The following VWF variants were observed in gnomAD, a reference collection of about 807,000 sequenced individuals.
VWF encodes the protein Factor VIII related antigen.
VWF carries 176 observed loss-of-function variants against 308.6 expected under a neutral mutation model. That is an observed-to-expected ratio of 0.57 (90% CI 0.50 to 0.65). The LOEUF (loss-of-function observed/expected upper bound fraction) is 0.65. Ranked by LOEUF, VWF falls within the 30% of genes least tolerant of loss-of-function variation. The pLI, the probability that VWF is intolerant of heterozygous loss-of-function variation, is 0.00. For synonymous variants in VWF, 1,385 were observed against 1,443.4 expected (o/e 0.96, Z 0.92); for missense variants, 3,146 against 3,648.2 (o/e 0.86, Z 3.55).
chr12:6,022,284 T>C (rs1376946766), intron 26 of VWF, among the ~76,000 whole-genome samples: 1 of 152,054 alleles, frequency 6.6e-6, no homozygotes, highest in Non-Finnish European at 1.5e-5. Context: ...TCAGGACAAA[T>C]GAAATCTTAT....
chr12:6,070,809 G>A (rs1944770600), intron 10 of VWF, among the ~76,000 whole-genome samples: 1 of 152,230 alleles, frequency 6.6e-6, no homozygotes, highest in African/African-American at 2.4e-5. Flanking sequence ...GGCAGGGACA[G>A]GATGGGAGGA....
intron 42 of VWF, among the ~76,000 whole-genome samples, chr12:5,978,116 A>C (rs1020718277): frequency 6.7e-5 from 10 of 149,444 alleles, no homozygotes; most frequent in African/African-American, 2.4e-4. Context: ...AGTGGCACAT[A>C]ATTATTATTT....
chr12:6,002,710 C>T (rs186346759), intron 34 of VWF, among the ~76,000 whole-genome samples: 1 of 152,062 alleles, frequency 6.6e-6, no homozygotes, highest in Non-Finnish European at 1.5e-5. Flanking sequence ...ATACCAACCC[C>T]AAATGATTTC....
At chr12:6,066,143 C>T (rs1448511010) in intron 10 of VWF, among the ~76,000 whole-genome samples, 3 of 152,180 alleles carry the variant, frequency 2.0e-5, no homozygotes, top group East Asian at 1.9e-4. Context: ...ATCTCCCCCA[C>T]GCCCCAGCCT....
intron 47 of VWF, among the ~76,000 whole-genome samples, chr12:5,957,354 GA>G (rs1943263274): frequency 8.6e-6 from 1 of 116,596 alleles, no homozygotes; most frequent in Non-Finnish European, 2.1e-5. Flanking sequence ...AAATGAAACA[GA>G]AAAAAATTAA....
In VWF at chr12:6,063,509, A is replaced by G. The variant is rs1316608868; in HGVS notation, c.1433-455T>C. Among the ~76,000 whole-genome samples, 2 of 152,166 alleles carry G rather than the reference A, an allele frequency of 1.3e-5. No homozygotes were observed. Among genetic ancestry groups the G allele is most frequent in the Non-Finnish European group, 2.9e-5 (2 of 68,030 alleles). On this transcript the variant is annotated intron_variant, in intron 12 of 51. Transcript: ENST00000261405. The surrounding 1 kb of genome is among the most constrained non-coding windows in gnomAD (Gnocchi z 4.9). ...GTTGCTTCTGTGGGAAGGTGGCGAC[A>G]GATAGGAGCACACCCCTTGCCCTGG...
chr12:6,027,871 CACACA>C (rs1944213186), intron 22 of VWF, among the ~76,000 whole-genome samples: 26 of 151,088 alleles, frequency 1.7e-4, no homozygotes, highest in African/African-American at 5.9e-4. Flanking sequence ...CACACACACA[CACACA>C]CACACACCCC....
chr12:6,104,709 A>T (rs750765297), intron 5 of VWF, among the ~76,000 whole-genome samples: 65 of 152,172 alleles, frequency 4.3e-4, no homozygotes, highest in South Asian at 8.3e-4. Flanking sequence ...AAAAAAAAAA[A>T]ATATATAGGA....
rs1357567541 is a variant in VWF at position 6,046,623 on chromosome 12, C to T, written c.2281+100G>A. 1.5e-5 allele frequency: 18 copies of T among 1,211,396 alleles called. No homozygotes were observed. Among genetic ancestry groups the T allele is most frequent in the Admixed American group, 1.0e-4 (6 of 58,234 alleles). The allele number at this position is 1,211,396 out of a possible 1,614,324, so 75.0% of individuals were successfully genotyped here. ...AGCCAGACCCATGCCTGGGTGCACA[C>T]GCACATCTGACGGTGTCACCCAGCT... On this transcript the variant is annotated intron_variant, in intron 17 of 51. Transcript: ENST00000261405. This position sits in a 1 kb window ranked among gnomAD's most constrained non-coding sequence, Gnocchi z 5.0.
intron 6 of VWF, among the ~76,000 whole-genome samples, chr12:6,077,184 C>G (rs1944854249): frequency 6.6e-6 from 1 of 152,220 alleles, no homozygotes; most frequent in Admixed American, 6.5e-5. Context: ...GTGGCGCATG[C>G]TTGTAATCCC....
intron 47 of VWF, among the ~76,000 whole-genome samples, chr12:5,965,465 G>A (rs996457412): frequency 6.6e-6 from 1 of 152,174 alleles, no homozygotes; most frequent in African/African-American, 2.4e-5. Flanking sequence ...GGTCCACTCA[G>A]GGTTGCCCTC....
At chr12:6,096,590 T>C (rs781089698) in intron 5 of VWF, among the ~76,000 whole-genome samples, 43 of 152,214 alleles carry the variant, frequency 2.8e-4, no homozygotes, top group Admixed American at 7.9e-4. Flanking sequence ...GCTCAAAATA[T>C]TTTTGCAGAA....
chr12:6,020,157 G>C lies in VWF; in HGVS notation c.3675-414C>G, dbSNP rs1408978685. ...GAACAAATGTTACTAAAATGTAGAC[G>C]CTAACCTGTGTTTGTACATGTTCTG... On this transcript the variant is annotated intron_variant, in intron 27 of 51. Transcript: ENST00000261405. The surrounding 1 kb of genome is among the most constrained non-coding windows in gnomAD (Gnocchi z 4.3). Among the ~76,000 whole-genome samples, 1 of 152,216 alleles carries C rather than the reference G, an allele frequency of 6.6e-6. No homozygotes were observed. The highest frequency in any genetic ancestry group is 1.5e-5 in the Non-Finnish European group (1 of 68,044).
At position 6,097,219 on chromosome 12, in the gene VWF, G is replaced by A. The variant is rs145448261; in HGVS notation, c.533-1635C>T. Among the ~76,000 whole-genome samples the A allele has an allele frequency of 8.1e-4, 124 of 152,212 alleles. 1 individual carries two copies. The East Asian group carries it at 0.022, about 27-fold the overall frequency. The stretch of plus-strand genomic sequence containing the variant: ...TGGGAGGCCAAGGAGGGTGGATCAC[G>A]AGGTCAGGAGATCAAGACCATCCTG... On this transcript the variant is annotated intron_variant, in intron 5 of 51. Transcript: ENST00000261405.
rs765253214 is a variant in VWF, at chr12:6,018,631, T to A, written c.4787A>T (p.Asp1596Val). 3.1e-6 allele frequency: 5 copies of A among 1,613,972 alleles called. No individual in the cohort carries two copies. Among genetic ancestry groups the A allele is most frequent in the Non-Finnish European group, 8.5e-7 (1 of 1,179,934 alleles). ...SDHSFLVSQG[D>V]REQAPNLVYM... ...GACCAGGTTGGGCGCCTGCTCCCGG[T>A]CACCCTGGCTGACCAAGAAGCTGTG... The change falls in exon 28 of 52, where the codon GAC (aspartate) becomes GTC (valine). Residue 1596 changes from aspartate (D) to valine (V), a missense_variant. Physicochemically the swap from Asp to Val is radical, Grantham distance 152. Transcript: ENST00000261405.
Position 5,968,223 on chromosome 12 carries a change from G to A in VWF, c.7730-56C>T, listed in dbSNP as rs186331929. 2.4e-5 allele frequency: 38 copies of A among 1,606,894 alleles called. 1 individual carries two copies. Among genetic ancestry groups the A allele is most frequent in the African/African-American group, 2.1e-4 (16 of 74,846 alleles). Reference sequence around the variant, plus strand: ...GGGCAAAACACACCCTGGTGAGACCGGCGAGCAGGCTGCTCTCTTTGGGGC... The same window carrying A: ...GGGCAAAACACACCCTGGTGAGACCAGCGAGCAGGCTGCTCTCTTTGGGGC... On this transcript the variant is annotated intron_variant, in intron 45 of 51. Coordinates refer to ENST00000261405, the MANE Select transcript of VWF (RefSeq NM_000552.5).
In VWF at chr12:6,075,392, G is replaced by GGGCGTACTCCAGGAGGGCAGGGCA. The variant is rs774754762; in HGVS notation, c.793_816dup (p.Cys265_Ala272dup). The stretch of plus-strand genomic sequence containing the variant: ...ACCATTCCCTCCTGGGCACAGGTCC[G>GGGCGTACTCCAGGAGGGCAGGGCA]GGCGTACTCCAGGAGGGCAGGGCAG... On this transcript the variant is annotated inframe_insertion, in exon 7 of 52. Transcript: ENST00000261405. This position sits in a 1 kb window ranked among gnomAD's most constrained non-coding sequence, Gnocchi z 4.7. 2 of 1,614,084 alleles carry GGGCGTACTCCAGGAGGGCAGGGCA rather than the reference G, an allele frequency of 1.2e-6. No individual in the cohort carries two copies. The highest frequency in any genetic ancestry group is 3.3e-5 in the Admixed American group (2 of 60,008).
chr12:5,992,114 GC>G, intron 37 of VWF, 96 bp from the exon 38 acceptor site: 3 of 1,229,096 alleles, frequency 2.4e-6, no homozygotes, highest in Admixed American at 1.9e-5. Context: ...AGACAAACTT[GC>G]CAGGGCAGAG....
chr12:6,080,646 T>G (rs541012271), intron 6 of VWF, among the ~76,000 whole-genome samples: 4 of 152,206 alleles, frequency 2.6e-5, no homozygotes, highest in Non-Finnish European at 5.9e-5. Flanking sequence ...CAGCCCAGTC[T>G]TGCCGACAGA....
Sources: allele counts gnomAD v4.1 joint callset (sites outside exome capture counted in the v4.1 genomes callset), GRCh38; gene constraint gnomAD v4.1.1; non-coding constraint Gnocchi (gnomAD v3.1); transcripts MANE v1.5; gene names NCBI Gene and HGNC (gene_info 2026-07-23, HGNC 2026-07-21).